MNAT1: variants seen among roughly 807,000 people sequenced by gnomAD.
MNAT1 encodes CDK-activating kinase assembly factor MAT1.
MNAT1 carries 43 observed loss-of-function variants against 42.0 expected under a neutral mutation model. The ratio of observed to expected loss-of-function variants is 1.02; its 90% CI spans 0.80 to 1.32. The LOEUF is 1.32. Among genes scored for constraint, MNAT1 ranks in the 40% most tolerant of loss-of-function variants. MNAT1 has a pLI of 0.00. For synonymous variants in MNAT1, 118 were observed against 120.0 expected, an observed-to-expected ratio of 0.98 and a Z score of 0.11; for missense variants, 306 against 350.4, an observed-to-expected ratio of 0.87 and a Z score of 1.01.
intron 7 of MNAT1, among the ~76,000 whole-genome samples, chr14:60,939,701 A>G (rs1377717897): frequency 2.6e-5 from 4 of 152,116 alleles, no homozygotes; most frequent in East Asian, 1.9e-4. Flanking sequence ...AAAAGAATGT[A>G]TATTCTGTTG....
At chr14:60,923,678 T>TAAC (rs2035707403) in intron 7 of MNAT1, among the ~76,000 whole-genome samples, 1 of 152,162 alleles carries the variant, frequency 6.6e-6, no homozygotes, top group Non-Finnish European at 1.5e-5. Flanking sequence ...AAAAAATCCC[T>TAAC]GGATTAACGG....
intron 7 of MNAT1, among the ~76,000 whole-genome samples, chr14:60,892,394 A>G (rs770460645): frequency 6.6e-6 from 1 of 152,116 alleles, no homozygotes; most frequent in Non-Finnish European, 1.5e-5. Flanking sequence ...TTTGCCTCAT[A>G]TTAGTATTTA....
chr14:60,821,101 C>G (rs925827701), intron 6 of MNAT1, among the ~76,000 whole-genome samples: 1 of 152,148 alleles, frequency 6.6e-6, no homozygotes, highest in East Asian at 1.9e-4. Flanking sequence ...TTTGACTATT[C>G]TATCTAAAGT....
rs2036726778 is a variant in MNAT1 at position 60,968,601 on chromosome 14, A to G, written c.*252A>G. On this transcript the variant is annotated 3_prime_UTR_variant, in exon 8 of 8. Coordinates refer to ENST00000261245, the MANE Select transcript of MNAT1 (RefSeq NM_002431.4). ...GCCTCATCTGATGGAAGAGAGGAAT[A>G]AATAATTCACCTATATGTGTTTGAG... is the stretch of plus-strand genomic sequence containing the variant. 1.9e-6 allele frequency: 2 copies of G among 1,070,832 alleles called. No homozygotes were observed. Among genetic ancestry groups the G allele is most frequent in the South Asian group, 2.7e-5 (2 of 73,614 alleles). The allele number at this position is 1,070,832 out of a possible 1,614,324, so 66.3% of individuals were successfully genotyped here.
At chr14:60,942,089 TC>T (rs1457631016) in intron 7 of MNAT1, among the ~76,000 whole-genome samples, 2 of 151,506 alleles carry the variant, frequency 1.3e-5, no homozygotes, top group Non-Finnish European at 2.9e-5. Flanking sequence ...GTTCATATCT[TC>T]TTTTCCACAC....
intron 7 of MNAT1, among the ~76,000 whole-genome samples, chr14:60,912,777 C>G (rs759654612): frequency 6.6e-6 from 1 of 152,186 alleles, no homozygotes; most frequent in Non-Finnish European, 1.5e-5. Context: ...TTCATTTCAA[C>G]TTTGGTGAAT....
chr14:60,752,692 A>C (rs1158895386), intron 1 of MNAT1, among the ~76,000 whole-genome samples: 1 of 152,164 alleles, frequency 6.6e-6, no homozygotes, highest in African/African-American at 2.4e-5. Context: ...AACACTTTGG[A>C]GAATGCTGTT....
intron 3 of MNAT1, among the ~76,000 whole-genome samples, chr14:60,805,191 GC>G (rs2032328951): frequency 6.7e-6 from 1 of 149,738 alleles, no homozygotes; most frequent in Non-Finnish European, 1.5e-5. Flanking sequence ...TATTTCTTGA[GC>G]CCTTACCAGA....
intron 7 of MNAT1, among the ~76,000 whole-genome samples, chr14:60,888,293 C>A (rs989475324): frequency 2.0e-5 from 3 of 151,838 alleles, no homozygotes; most frequent in Non-Finnish European, 4.4e-5. Flanking sequence ...GCTGGTTCAA[C>A]ATACACAAAT....
intron 1 of MNAT1, among the ~76,000 whole-genome samples, chr14:60,755,708 T>G (rs535371258): frequency 4.6e-5 from 7 of 152,368 alleles, no homozygotes; most frequent in African/African-American, 1.7e-4. Flanking sequence ...CCTTCCAGCA[T>G]AGTAATAAAT....
At position 60,798,155 on chromosome 14, in the gene MNAT1, A is replaced by C. The variant is rs1342196639; in HGVS notation, c.311A>C (p.Glu104Ala). ...EYNDFLEEVE[E>A]IVFNLTNNVD... ...AATGATTTCTTGGAAGAAGTGGAAGAAATTGGTACGTTTTTAATTTGATGT... is the reference window on the plus strand; with the variant it reads ...AATGATTTCTTGGAAGAAGTGGAAGCAATTGGTACGTTTTTAATTTGATGT... Residue 104 changes from glutamate to alanine, a missense_variant, in exon 3 of 8, where the codon GAA becomes GCA. Glu to Ala is a moderately radical substitution (Grantham distance 107, BLOSUM62 -1). Transcript: ENST00000261245. 2.0e-6 allele frequency: 3 copies of C among 1,501,610 alleles called. No individual in the cohort carries two copies. The African/African-American group carries it at 4.1e-5, about 21-fold the overall frequency. 93.0% of individuals were successfully genotyped at this position (1,501,610 alleles called of 1,614,324 possible).
rs1465360826 is a variant in MNAT1 at position 60,869,040 on chromosome 14, A to ATATT, written c.688-10673_688-10672insATTT. Among the ~76,000 whole-genome samples the ATATT allele has an allele frequency of 4.8e-4, 54 of 113,024 alleles. 1 individual carries two copies. Among genetic ancestry groups the ATATT allele is most frequent in the African/African-American group, 1.8e-3 (53 of 29,426 alleles). The allele number at this position is 113,024 out of a possible 152,430, so 74.1% of individuals were successfully genotyped here. A position where few individuals can be genotyped will look rare whatever the true frequency, so the allele number is the denominator to read the frequency against. On this transcript the variant is annotated intron_variant, in intron 6 of 7. Transcript: ENST00000261245. ...ATTTTATACATATATATATATATAT[A>ATATT]TTTTTTTTTTTTTTTTTGAGACGGA...
At chr14:60,752,979 A>C (rs980184756) in intron 1 of MNAT1, among the ~76,000 whole-genome samples, 7 of 152,074 alleles carry the variant, frequency 4.6e-5, no homozygotes, top group Admixed American at 2.0e-4. Context: ...TGGCCAGGCT[A>C]GTCTTGAACT....
Position 60,839,982 on chromosome 14 carries a change from C to T in MNAT1, c.687+21135C>T, listed in dbSNP as rs76591393. Among the ~76,000 whole-genome samples, 460 of 152,306 alleles carry T rather than the reference C, an allele frequency of 3.0e-3. 9 individuals are homozygous for T. In the East Asian group the frequency reaches 0.033, roughly 11 times the overall value. ...GGCCGAGGGGGTGGAATGAGCCCAGCGGGCCCAAGAAAACTTGCACAAAAG... is the reference window on the plus strand; with the variant it reads ...GGCCGAGGGGGTGGAATGAGCCCAGTGGGCCCAAGAAAACTTGCACAAAAG... On this transcript the variant is annotated intron_variant, in intron 6 of 7. Transcript: ENST00000261245.
intron 7 of MNAT1, among the ~76,000 whole-genome samples, chr14:60,888,128 G>A (rs535399476): frequency 7.1e-5 from 10 of 141,112 alleles, no homozygotes; most frequent in Admixed American, 3.6e-4. Context: ...TACCAAAGCT[G>A]GGCAGAGACA....
At chr14:60,790,786 C>T (rs182915421) in intron 1 of MNAT1, among the ~76,000 whole-genome samples, 1 of 152,228 alleles carries the variant, frequency 6.6e-6, no homozygotes, top group African/African-American at 2.4e-5. Context: ...TTTGACTTCT[C>T]CATGCTTAGT....
At chr14:60,881,788 T>C (rs61992989) in intron 7 of MNAT1, among the ~76,000 whole-genome samples, 1 of 152,116 alleles carries the variant, frequency 6.6e-6, no homozygotes, top group Non-Finnish European at 1.5e-5. Flanking sequence ...TTACAAAGAA[T>C]CCAATTATAT....
At chr14:60,766,440 G>A (rs1024250477) in intron 1 of MNAT1, among the ~76,000 whole-genome samples, 2 of 151,888 alleles carry the variant, frequency 1.3e-5, no homozygotes, top group African/African-American at 2.4e-5. Context: ...GTGGCCTGGC[G>A]TGGTGGCTCA....
chr14:60,918,199 T>C (rs12892050), intron 7 of MNAT1, among the ~76,000 whole-genome samples: 2 of 24,276 alleles, frequency 8.2e-5, no homozygotes, highest in African/African-American at 3.1e-4. Context: ...TTAATTGTTC[T>C]TTTTTTTTTT....
Sources: gnomAD v4.1 joint callset for allele counts (sites outside exome capture counted in the v4.1 genomes callset) on GRCh38, gnomAD v4.1.1 for gene constraint, MANE v1.5 for transcripts, NCBI Gene and HGNC (gene_info 2026-07-23, HGNC 2026-07-21) for gene names.